Variants in IMMP2L observed in about 807,000 individuals in gnomAD.
IMMP2L encodes mitochondrial inner membrane protease subunit 2.
A neutral mutation model predicts 19.3 loss-of-function variants in IMMP2L; 18 were observed. The ratio of observed to expected loss-of-function variants is 0.93; its 90% CI spans 0.64 to 1.38. IMMP2L has a LOEUF of 1.38. IMMP2L is among the 40% of genes most tolerant of loss of function. The pLI is 0.00. For synonymous variants in IMMP2L, 76 were observed against 73.0 expected (o/e 1.04, Z -0.21); for missense variants, 233 against 218.2 (o/e 1.07, Z -0.43).
intron 3 of IMMP2L, among the ~76,000 whole-genome samples, chr7:111,315,674 T>C (rs1357825555): frequency 2.0e-5 from 3 of 151,004 alleles, no homozygotes; most frequent in South Asian, 2.1e-4. Context: ...CAGTAATGAA[T>C]GAGACTACGT....
At chr7:110,670,861 T>C (rs759174652) in intron 5 of IMMP2L, among the ~76,000 whole-genome samples, 6 of 152,148 alleles carry the variant, frequency 3.9e-5, no homozygotes, top group Non-Finnish European at 7.4e-5. Flanking sequence ...GATGCTAAAG[T>C]ATAAATAACT....
chr7:111,122,797 C>A (rs2129589205), intron 3 of IMMP2L: 1 of 1,613,212 alleles, frequency 6.2e-7, no homozygotes, highest in Non-Finnish European at 8.5e-7. Flanking sequence ...ACTCCGAATT[C>A]ATGTGCTACT....
At chr7:111,093,529 G>A (rs924934764) in intron 3 of IMMP2L, among the ~76,000 whole-genome samples, 1 of 152,092 alleles carries the variant, frequency 6.6e-6, no homozygotes, top group African/African-American at 2.4e-5. Context: ...AAGTTTGCAT[G>A]CCAGACACAC....
At chr7:111,441,627 T>G (rs1725941334) in intron 3 of IMMP2L, among the ~76,000 whole-genome samples, 1 of 150,320 alleles carries the variant, frequency 6.7e-6, no homozygotes, top group African/African-American at 2.5e-5. Flanking sequence ...AAATTACCAA[T>G]GTAACACAGA....
intron 3 of IMMP2L, among the ~76,000 whole-genome samples, chr7:111,182,936 TACAG>T (rs1747970236): frequency 6.6e-6 from 1 of 152,062 alleles, no homozygotes. Flanking sequence ...TGCTAAATCT[TACAG>T]ACATAGACTG....
At chr7:111,334,018 T>C (rs550652582) in intron 3 of IMMP2L, among the ~76,000 whole-genome samples, 11 of 152,212 alleles carry the variant, frequency 7.2e-5, no homozygotes, top group Admixed American at 3.3e-4. Context: ...AAACAACTCT[T>C]AGGTGAAGGG....
intron 5 of IMMP2L, among the ~76,000 whole-genome samples, chr7:110,834,417 A>G (rs993888809): frequency 6.6e-6 from 1 of 152,036 alleles, no homozygotes; most frequent in African/African-American, 2.4e-5. Flanking sequence ...TATATGTAAC[A>G]TATACACATT....
At chr7:111,342,540 C>A (rs973504184) in intron 3 of IMMP2L, among the ~76,000 whole-genome samples, 1 of 151,672 alleles carries the variant, frequency 6.6e-6, no homozygotes, top group Admixed American at 6.6e-5. Flanking sequence ...TGCAGTGAGC[C>A]GAGATCTCAA....
intron 5 of IMMP2L, among the ~76,000 whole-genome samples, chr7:110,788,182 C>A (rs1800217233): frequency 6.6e-6 from 1 of 152,010 alleles, no homozygotes; most frequent in Non-Finnish European, 1.5e-5. Flanking sequence ...CCCTTTACAG[C>A]CAAACTCTTC....
intron 5 of IMMP2L, among the ~76,000 whole-genome samples, chr7:110,835,300 T>C (rs909452470): frequency 1.1e-4 from 16 of 152,194 alleles, no homozygotes; most frequent in African/African-American, 3.9e-4. Context: ...ACTATCATTA[T>C]ATGTTAAAGA....
chr7:111,006,059 G>A (rs1218655510), intron 3 of IMMP2L, among the ~76,000 whole-genome samples: 1 of 152,078 alleles, frequency 6.6e-6, no homozygotes, highest in East Asian at 1.9e-4. Context: ...TTCTCAAGGG[G>A]CTCATCTGAG....
Position 111,373,084 on chromosome 7 carries a change from C to CT in IMMP2L, c.239+114153dup, listed in dbSNP as rs1024556325. 2.2e-4 allele frequency among the ~76,000 whole-genome samples: 33 copies of CT among 150,984 alleles called. 1 individual carries two copies. Among genetic ancestry groups the CT allele is most frequent in the African/African-American group, 7.8e-4 (32 of 41,068 alleles). ...GTTTTCATTATTGAGGATTAAGAAA[C>CT]TTTCCCCAAAACACTTTAAAGTAGC... On this transcript the variant is annotated intron_variant, in intron 3 of 5. Coordinates refer to ENST00000405709, the MANE Select transcript of IMMP2L (RefSeq NM_032549.4).
At chr7:110,729,567 A>G (rs1280154859) in intron 5 of IMMP2L, among the ~76,000 whole-genome samples, 2 of 152,194 alleles carry the variant, frequency 1.3e-5, no homozygotes, top group Non-Finnish European at 2.9e-5. Flanking sequence ...CATTGTCAAC[A>G]TTTCTGCTAA....
chr7:111,405,303 C>A (rs1000989894), intron 3 of IMMP2L, among the ~76,000 whole-genome samples: 2 of 151,986 alleles, frequency 1.3e-5, no homozygotes, highest in African/African-American at 4.8e-5. Flanking sequence ...TATACAGGCA[C>A]CACGAACACA....
intron 3 of IMMP2L, among the ~76,000 whole-genome samples, chr7:111,275,831 G>C (rs569909009): frequency 6.6e-6 from 1 of 152,022 alleles, no homozygotes; most frequent in East Asian, 1.9e-4. Flanking sequence ...TCTTGACTTG[G>C]TCCTCAGCTA....
intron 4 of IMMP2L, among the ~76,000 whole-genome samples, chr7:110,960,849 A>G (rs1030812733): frequency 9.9e-5 from 15 of 151,976 alleles, no homozygotes; most frequent in Admixed American, 9.9e-4. Context: ...TAAAATATAA[A>G]CAACCCAATA....
At chr7:110,861,177 G>A (rs1807389902) in intron 5 of IMMP2L, among the ~76,000 whole-genome samples, 2 of 151,626 alleles carry the variant, frequency 1.3e-5, no homozygotes, top group East Asian at 2.0e-4. Flanking sequence ...CTGTAAGACA[G>A]AGAGAAGAAA....
intron 3 of IMMP2L, among the ~76,000 whole-genome samples, chr7:111,044,251 A>G (rs1334903774): frequency 6.6e-6 from 1 of 152,140 alleles, no homozygotes; most frequent in African/African-American, 2.4e-5. Flanking sequence ...ATCTCTAAGG[A>G]CCTAGAATCT....
Position 110,730,678 on chromosome 7 carries a change from C to A in IMMP2L, c.409-66957G>T, listed in dbSNP as rs576528189. ...CAGCTGGGATTACAGGCGCCAGCCA[C>A]CACGCCCAGCTAATTTTTTTGTATT... On this transcript the variant is annotated intron_variant, in intron 5 of 5. Coordinates refer to ENST00000405709, the MANE Select transcript of IMMP2L (RefSeq NM_032549.4). Among the ~76,000 whole-genome samples, 19 of 152,294 alleles carry A rather than the reference C, an allele frequency of 1.2e-4. No individual in the cohort carries two copies. The South Asian group carries it at 3.5e-3, about 28-fold the overall frequency.
Sources: gnomAD v4.1 joint callset for allele counts (sites outside exome capture counted in the v4.1 genomes callset) on GRCh38, gnomAD v4.1.1 for gene constraint, MANE v1.5 for transcripts, NCBI Gene and HGNC (gene_info 2026-07-23, HGNC 2026-07-21) for gene names.